Variants in CBFA2T2 observed in about 807,000 individuals in gnomAD.
CBFA2T2 encodes protein CBFA2T2.
A neutral mutation model predicts 62.2 loss-of-function variants in CBFA2T2; 11 were observed. The ratio of observed to expected loss-of-function variants is 0.18; its 90% CI spans 0.11 to 0.29. The LOEUF is 0.29. Ranked by LOEUF, CBFA2T2 falls within the 10% of genes least tolerant of loss-of-function variation. The pLI is 1.00. For missense variants in CBFA2T2, 592 were observed against 774.1 expected (o/e 0.76, Z 2.79); for synonymous variants, 295 against 287.5 (o/e 1.03, Z -0.27).
At chr20:33,507,487 G>A (rs2011424062) in intron 1 of CBFA2T2, among the ~76,000 whole-genome samples, 1 of 152,262 alleles carries the variant, frequency 6.6e-6, no homozygotes, top group Non-Finnish European at 1.5e-5. Context: ...TTTTTGGACT[G>A]GCTATGTATT....
chr20:33,553,708 T>A (rs559853562), intron 1 of CBFA2T2, among the ~76,000 whole-genome samples: 1 of 152,356 alleles, frequency 6.6e-6, no homozygotes, highest in South Asian at 2.1e-4. Context: ...CTAAGCAGGC[T>A]ATAAGTTTGC....
chr20:33,585,716 T>G (rs1315706906), intron 1 of CBFA2T2, among the ~76,000 whole-genome samples: 1 of 152,228 alleles, frequency 6.6e-6, no homozygotes, highest in East Asian at 1.9e-4. Context: ...GTGCTTTTTG[T>G]ACCTAGTACA....
chr20:33,597,678 C>T (rs1051041529), intron 1 of CBFA2T2, among the ~76,000 whole-genome samples: 2 of 152,298 alleles, frequency 1.3e-5, no homozygotes, highest in Non-Finnish European at 2.9e-5. Flanking sequence ...CTCCCTACCC[C>T]ACCCCCAGTT....
chr20:33,566,825 T>C (rs969396092), intron 1 of CBFA2T2, among the ~76,000 whole-genome samples: 3 of 152,226 alleles, frequency 2.0e-5, no homozygotes, highest in African/African-American at 7.2e-5. Flanking sequence ...TACATAGTAT[T>C]CATTTCTACC....
intron 5 of CBFA2T2, among the ~76,000 whole-genome samples, chr20:33,624,147 C>T (rs902604501): frequency 6.7e-6 from 1 of 149,682 alleles, no homozygotes; most frequent in Non-Finnish European, 1.5e-5. Flanking sequence ...AGAAAACTCC[C>T]TATGAGTGGC....
chr20:33,503,404 G>A (rs1442169663), intron 1 of CBFA2T2, among the ~76,000 whole-genome samples: 1 of 151,404 alleles, frequency 6.6e-6, no homozygotes, highest in Non-Finnish European at 1.5e-5. Flanking sequence ...ACAGGCGCCC[G>A]CCATCAGGCC....
intron 1 of CBFA2T2, among the ~76,000 whole-genome samples, chr20:33,565,186 T>A (rs186796210): frequency 6.6e-6 from 1 of 152,326 alleles, no homozygotes; most frequent in Admixed American, 6.5e-5. Flanking sequence ...CCCAAAGTGC[T>A]GGGATTGTAG....
Position 33,644,542 on chromosome 20 carries a change from G to A in CBFA2T2, c.1684G>A (p.Ala562Thr), listed in dbSNP as rs368905282. The change falls in exon 11 of 11, where the codon GCC becomes ACC. Residue 562 changes from alanine (A) to threonine (T), a missense_variant. By Grantham distance (58) the Ala-to-Thr change is moderately conservative. Around this residue, in one of 3 missense-constraint regions of CBFA2T2, gnomAD observed 85 missense variants for 99.0 expected, o/e 0.86. Coordinates refer to ENST00000342704, the MANE Select transcript of CBFA2T2 (RefSeq NM_001032999.3). Reference sequence around the variant, plus strand: ...AGGCAGGGGCTCCTCTGCCAGGTCCGCCGACTGCAGCGTGCCCAGCCCAGC... The same window carrying A: ...AGGCAGGGGCTCCTCTGCCAGGTCCACCGACTGCAGCGTGCCCAGCCCAGC... ...PVGRGSSARS[A>T]DCSVPSPALD... is the part of the protein sequence containing the mutation. 5.6e-5 allele frequency: 91 copies of A among 1,613,822 alleles called. No homozygotes were observed. The highest frequency in any genetic ancestry group is 1.8e-4 in the East Asian group (8 of 44,892).
Position 33,624,870 on chromosome 20 carries a change from C to A in CBFA2T2, c.799C>A (p.Pro267Thr). The change falls in exon 6 of 11, where the codon CCC (proline) becomes ACC (threonine). Residue 267 changes from proline to threonine, a missense_variant. Coordinates refer to ENST00000342704, the MANE Select transcript of CBFA2T2 (RefSeq NM_001032999.3). ...APRHSPALTV[P>T]LMNPGGQFHP... ...TCGGCACAGTCCTGCTCTCACTGTGCCCCTCATGAATCCCGGGGGCCAATT... is the reference window on the plus strand; with the variant it reads ...TCGGCACAGTCCTGCTCTCACTGTGACCCTCATGAATCCCGGGGGCCAATT... The A allele has an allele frequency of 6.2e-7, 1 of 1,614,146 alleles. No individual in the cohort carries two copies. The highest frequency in any genetic ancestry group is 1.3e-5 in the African/African-American group (1 of 75,016).
intron 1 of CBFA2T2, among the ~76,000 whole-genome samples, chr20:33,537,775 T>G (rs2012305855): frequency 6.6e-6 from 1 of 152,204 alleles, no homozygotes; most frequent in East Asian, 1.9e-4. Flanking sequence ...CGGATTGTCC[T>G]TGTACCTTTG....
intron 1 of CBFA2T2, among the ~76,000 whole-genome samples, chr20:33,592,755 T>C (rs1017036305): frequency 6.6e-6 from 1 of 152,090 alleles, no homozygotes; most frequent in Non-Finnish European, 1.5e-5. Context: ...AGTATGAAGA[T>C]GGAGTTATAT....
At chr20:33,553,314 C>A (rs1335718329) in intron 1 of CBFA2T2, among the ~76,000 whole-genome samples, 1 of 152,208 alleles carries the variant, frequency 6.6e-6, no homozygotes, top group Non-Finnish European at 1.5e-5. Context: ...GCAGCCTCCA[C>A]CTCCCGGGTT....
At chr20:33,636,768 G>C in intron 9 of CBFA2T2, 60 bp downstream of exon 9, 1 of 1,260,928 alleles carries the variant, frequency 7.9e-7, no homozygotes, top group Non-Finnish European at 1.2e-6. Flanking sequence ...GCAGAGAACA[G>C]ATAACTGGGT....
At chr20:33,567,528 A>G (rs2013377411) in intron 1 of CBFA2T2, among the ~76,000 whole-genome samples, 1 of 152,092 alleles carries the variant, frequency 6.6e-6, no homozygotes, top group African/African-American at 2.4e-5. Context: ...TAATTGTTAT[A>G]ATGTTTTATT....
At chr20:33,502,907 G>A (rs1401102581) in intron 1 of CBFA2T2, among the ~76,000 whole-genome samples, 29 of 149,902 alleles carry the variant, frequency 1.9e-4, no homozygotes, top group African/African-American at 6.8e-4. Context: ...TGGCTAACAC[G>A]GCGAAACCCC....
chr20:33,527,932 C>G (rs1391898950), intron 1 of CBFA2T2, among the ~76,000 whole-genome samples: 1 of 151,974 alleles, frequency 6.6e-6, no homozygotes, highest in Non-Finnish European at 1.5e-5. Context: ...GCTGTGTTGT[C>G]AAGGCTGGTC....
intron 1 of CBFA2T2, among the ~76,000 whole-genome samples, chr20:33,544,456 A>G (rs964377700): frequency 3.9e-5 from 6 of 152,146 alleles, no homozygotes; most frequent in Non-Finnish European, 7.4e-5. Context: ...TGTATATAGT[A>G]TTTATTAATT....
chr20:33,580,713 G>A (rs997268973), intron 1 of CBFA2T2, among the ~76,000 whole-genome samples: 2 of 152,064 alleles, frequency 1.3e-5, no homozygotes, highest in African/African-American at 2.4e-5. Context: ...TTAGCCAGGC[G>A]TGGTGGTATG....
In CBFA2T2 at chr20:33,577,944, A is replaced by G. The variant is rs74949071; in HGVS notation, c.35-29012A>G. Reference sequence around the variant, plus strand: ...ATGGAGAGTAATGGTAGCTATTACTATTATAGTTATTTCCTGACTTGTATT... The same window carrying G: ...ATGGAGAGTAATGGTAGCTATTACTGTTATAGTTATTTCCTGACTTGTATT... On this transcript the variant is annotated intron_variant, in intron 1 of 10. Coordinates refer to ENST00000342704, the MANE Select transcript of CBFA2T2 (RefSeq NM_001032999.3). 3.3e-3 allele frequency among the ~76,000 whole-genome samples: 502 copies of G among 152,342 alleles called. 7 individuals carry two copies. Among genetic ancestry groups the G allele is most frequent in the East Asian group, 0.025 (128 of 5,190 alleles).
Sources: gnomAD v4.1 joint callset for allele counts (sites outside exome capture counted in the v4.1 genomes callset) on GRCh38, gnomAD v4.1.1 for gene constraint, gnomAD v4.1.1 regional missense constraint, MANE v1.5 for transcripts, NCBI Gene and HGNC (gene_info 2026-07-23, HGNC 2026-07-21) for gene names.